The following MYO1E variants were observed in gnomAD, a reference collection of about 807,000 sequenced individuals.
MYO1E encodes unconventional myosin-Ie.
A neutral mutation model predicts 151.1 loss-of-function variants in MYO1E; 68 were observed. That is an observed-to-expected ratio of 0.45 (90% CI 0.37 to 0.55). The LOEUF (loss-of-function observed/expected upper bound fraction) is 0.55. Ranked by LOEUF, MYO1E falls within the 20% of genes least tolerant of loss-of-function variation. MYO1E has a pLI of 0.00. For synonymous variants in MYO1E, 601 were observed against 501.7 expected, an observed-to-expected ratio of 1.20 and a Z score of -2.64; for missense variants, 1,363 against 1,389.3, an observed-to-expected ratio of 0.98 and a Z score of 0.30.
chr15:59,199,806 A>G (rs1437728057), intron 16 of MYO1E, among the ~76,000 whole-genome samples: 2 of 152,220 alleles, frequency 1.3e-5, no homozygotes, highest in African/African-American at 4.8e-5. Flanking sequence ...GACATCGTTA[A>G]GATGACAATG....
chr15:59,211,412 G>A (rs2079878578), intron 12 of MYO1E, among the ~76,000 whole-genome samples: 1 of 151,960 alleles, frequency 6.6e-6, no homozygotes, highest in African/African-American at 2.4e-5. Context: ...AGAGTCTCAG[G>A]GCTCAATCTT....
chr15:59,175,492 G>A (rs1224120268), intron 19 of MYO1E, among the ~76,000 whole-genome samples: 1 of 152,116 alleles, frequency 6.6e-6, no homozygotes, highest in Non-Finnish European at 1.5e-5. Context: ...AGATCCATCT[G>A]TGCAGAAACA....
intron 10 of MYO1E, among the ~76,000 whole-genome samples, chr15:59,217,519 C>CTTTTTT (rs1164320277): frequency 0.25 from 13,323 of 53,006 alleles, 1,819 homozygotes; most frequent in Non-Finnish European, 0.29. Flanking sequence ...GTCGTTTTAC[C>CTTTTTT]TTTTTTTTTT....
chr15:59,172,384 G>A (rs1255513128), intron 21 of MYO1E, among the ~76,000 whole-genome samples: 1 of 152,164 alleles, frequency 6.6e-6, no homozygotes, highest in Non-Finnish European at 1.5e-5. Flanking sequence ...CATGGTCAAT[G>A]TGATGACAAC....
chr15:59,218,306 C>A (rs751366071), intron 9 of MYO1E: 3 of 671,770 alleles, frequency 4.5e-6, no homozygotes, highest in Middle Eastern at 4.7e-4. Flanking sequence ...TGACATGAGT[C>A]AATTCCTATG....
intron 7 of MYO1E, among the ~76,000 whole-genome samples, chr15:59,225,982 G>A (rs1458751294): frequency 2.6e-5 from 4 of 152,068 alleles, no homozygotes; most frequent in African/African-American, 9.7e-5. Flanking sequence ...GAACCCCTGC[G>A]CCCATCAGTT....
In MYO1E at chr15:59,188,127, A is replaced by C. The variant is rs201046072; in HGVS notation, c.1895T>G (p.Phe632Cys). 3 of 1,613,334 alleles carry C rather than the reference A, an allele frequency of 1.9e-6. No individual in the cohort carries two copies. The East Asian group carries it at 6.7e-5, about 36-fold the overall frequency. The change falls in exon 18 of 28, where the codon TTC becomes TGC. Residue 632 changes from phenylalanine (F) to cysteine (C), a missense_variant. Phe to Cys is a radical substitution (Grantham distance 205). Transcript: ENST00000288235. Reference sequence around the variant, plus strand: ...GTCACTAGTTCATTACCTCTGTAGGAATTTTTGGAAGATGCGCCGATAGGC... The same window carrying C: ...GTCACTAGTTCATTACCTCTGTAGGCATTTTTGGAAGATGCGCCGATAGGC... ...GYAYRRIFQKFLQRYAILTKA... is the reference protein window; with the variant it reads ...GYAYRRIFQKCLQRYAILTKA...
At chr15:59,245,619 A>C (rs1031613381) in intron 4 of MYO1E, among the ~76,000 whole-genome samples, 1 of 152,220 alleles carries the variant, frequency 6.6e-6, no homozygotes, top group Non-Finnish European at 1.5e-5. Flanking sequence ...GGATACTTCA[A>C]ATAAAAAAAG....
chr15:59,227,738 G>C (rs2080000728), intron 6 of MYO1E, 148 bp from the exon 7 acceptor site: 1 of 1,099,632 alleles, frequency 9.1e-7, no homozygotes, highest in Non-Finnish European at 1.3e-6. Flanking sequence ...GACTTCCTTA[G>C]TTTTCAATCA....
intron 1 of MYO1E, among the ~76,000 whole-genome samples, chr15:59,306,100 C>A (rs896811217): frequency 6.6e-6 from 1 of 152,122 alleles, no homozygotes; most frequent in Non-Finnish European, 1.5e-5. Context: ...TATTTAAATG[C>A]GATAAAATTA....
chr15:59,272,025 T>A (rs1251111283), intron 2 of MYO1E, among the ~76,000 whole-genome samples: 1 of 152,250 alleles, frequency 6.6e-6, no homozygotes, highest in African/African-American at 2.4e-5. Flanking sequence ...CAAAACCTCA[T>A]TCTGAAACGG....
chr15:59,304,677 T>C (rs2080504312), intron 1 of MYO1E, among the ~76,000 whole-genome samples: 1 of 152,252 alleles, frequency 6.6e-6, no homozygotes, highest in African/African-American at 2.4e-5. Context: ...GCCCGTGATC[T>C]GGTTAGGGCA....
At position 59,203,384 on chromosome 15, in the gene MYO1E, C is replaced by CTT. The variant is rs71119440; in HGVS notation, c.1617-979_1617-978dup. 7.3e-4 allele frequency among the ~76,000 whole-genome samples: 105 copies of CTT among 144,402 alleles called. 2 individuals carry two copies. Among genetic ancestry groups the CTT allele is most frequent in the Non-Finnish European group, 7.7e-4 (51 of 66,040 alleles). 94.7% of individuals were successfully genotyped at this position (144,402 alleles called of 152,430 possible). A position where few individuals can be genotyped will look rare whatever the true frequency, so the allele number is the denominator to read the frequency against. ...AGGCTCTGCCGGCTGAATATACTTT[C>CTT]TTTTTTTTTTTTTTGAGATGGAGTC... On this transcript the variant is annotated intron_variant, in intron 15 of 27. Coordinates refer to ENST00000288235, the MANE Select transcript of MYO1E (RefSeq NM_004998.4).
intron 1 of MYO1E, among the ~76,000 whole-genome samples, chr15:59,308,740 G>A (rs2080531386): frequency 1.3e-5 from 1 of 79,056 alleles, no homozygotes; most frequent in South Asian, 5.4e-4. Context: ...TCGGGAGGCT[G>A]AGGCAGAAGA....
intron 1 of MYO1E, among the ~76,000 whole-genome samples, chr15:59,301,149 C>G (rs1043075001): frequency 2.0e-5 from 3 of 152,012 alleles, no homozygotes; most frequent in Admixed American, 6.6e-5. Context: ...TGTGAGCCAC[C>G]GCACCTGGCA....
intron 1 of MYO1E, among the ~76,000 whole-genome samples, chr15:59,278,160 G>A (rs2080332179): frequency 6.6e-6 from 1 of 152,242 alleles, no homozygotes. Context: ...GGAAGACGCT[G>A]TGTGGACAGT....
At chr15:59,156,708 C>T (rs549199592) in intron 25 of MYO1E, among the ~76,000 whole-genome samples, 6 of 152,352 alleles carry the variant, frequency 3.9e-5, no homozygotes, top group African/African-American at 1.2e-4. Context: ...GAATCAAATA[C>T]AGTCTCAAAA....
At chr15:59,235,207 T>C (rs1204609151) in intron 5 of MYO1E, among the ~76,000 whole-genome samples, 1 of 152,124 alleles carries the variant, frequency 6.6e-6, no homozygotes. Context: ...AAAATTTTTA[T>C]AAGTTTCTTG....
At chr15:59,172,070 G>C in intron 21 of MYO1E, 28 bp from the exon 22 acceptor site, 1 of 1,611,296 alleles carries the variant, frequency 6.2e-7, no homozygotes, top group Non-Finnish European at 8.5e-7. Context: ...TTAAGAAGCT[G>C]GACAGGCCAG....
Sources: allele counts gnomAD v4.1 joint callset (sites outside exome capture counted in the v4.1 genomes callset), GRCh38; gene constraint gnomAD v4.1.1; transcripts MANE v1.5; gene names NCBI Gene and HGNC (gene_info 2026-07-23, HGNC 2026-07-21).